The following CLIC4 variants were observed in gnomAD, a reference collection of about 807,000 sequenced individuals.
The protein encoded by CLIC4 is CLIC family member 4, also known as chloride intracellular channel protein 4.
In CLIC4, 13 loss-of-function variants were observed where a neutral mutation model predicts 24.6. The ratio of observed to expected loss-of-function variants is 0.53; its 90% CI spans 0.34 to 0.84. The LOEUF (loss-of-function observed/expected upper bound fraction) is 0.84, where lower values mean the gene tolerates loss of function less well. CLIC4 is among the 40% of genes least tolerant of loss of function. The pLI is 0.01. For missense variants in CLIC4, 227 were observed against 301.7 expected (o/e 0.75, Z 1.83); for synonymous variants, 104 against 111.3 (o/e 0.93, Z 0.41).
intron 1 of CLIC4, among the ~76,000 whole-genome samples, chr1:24,748,492 G>GTTTTTTTT (rs1360200160): frequency 6.3e-5 from 4 of 63,172 alleles, no homozygotes; most frequent in Non-Finnish European, 1.1e-4. Context: ...TACAGATCAG[G>GTTTTTTTT]TTTTTTGTTT....
chr1:24,783,799 GT>G (rs1408070867), intron 1 of CLIC4, among the ~76,000 whole-genome samples: 1 of 152,184 alleles, frequency 6.6e-6, no homozygotes, highest in Non-Finnish European at 1.5e-5. Context: ...CACCAAAATT[GT>G]CCTTGACATT....
chr1:24,803,722 G>C (rs1451163821), intron 2 of CLIC4, among the ~76,000 whole-genome samples: 1 of 152,186 alleles, frequency 6.6e-6, no homozygotes, highest in Admixed American at 6.5e-5. Flanking sequence ...AATTGGGGCA[G>C]AGTTAAAGAT....
Position 24,839,843 on chromosome 1 carries a change from T to G in CLIC4, c.416-17T>G, listed in dbSNP as rs920872988. On this transcript the variant is annotated splice_polypyrimidine_tract_variant and intron_variant, in intron 4 of 5. Coordinates refer to ENST00000374379, the MANE Select transcript of CLIC4 (RefSeq NM_013943.3). ...TTCCTTCTTACAGTATTCTCATCTC[T>G]TTTTTTCCCCCCCAAGCACTGGAGA... The G allele has an allele frequency of 3.8e-6, 6 of 1,590,436 alleles. No homozygotes were observed. The highest frequency in any genetic ancestry group is 5.1e-6 in the Non-Finnish European group (6 of 1,167,430).
At chr1:24,755,325 G>A (rs1181438462) in intron 1 of CLIC4, among the ~76,000 whole-genome samples, 1 of 150,996 alleles carries the variant, frequency 6.6e-6, no homozygotes, top group East Asian at 2.0e-4. Context: ...TGTAATCCCA[G>A]CTACTCAGGA....
In CLIC4 at chr1:24,840,755, G is replaced by T; in HGVS notation, c.598-18G>T. On this transcript the variant is annotated intron_variant, in intron 5 of 5. Transcript: ENST00000374379. ...CGTGGAAATAAGTCTGTTAACTTTT[G>T]ATCTCTTTGTATTTCAGGTGGTGGC... is the stretch of plus-strand genomic sequence containing the variant. 6 of 1,583,504 alleles carry T rather than the reference G, an allele frequency of 3.8e-6. No homozygotes were observed. In the South Asian group the frequency reaches 6.9e-5, roughly 18 times the overall value.
intron 2 of CLIC4, among the ~76,000 whole-genome samples, chr1:24,798,671 C>G (rs7550184): frequency 0.33 from 50,024 of 150,588 alleles, 8,615 homozygotes; most frequent in Middle Eastern, 0.5. Flanking sequence ...TTTCCACGGT[C>G]TCCCTCTCTT....
intron 1 of CLIC4, among the ~76,000 whole-genome samples, chr1:24,789,563 T>C (rs984344752): frequency 1.3e-5 from 2 of 152,072 alleles, no homozygotes; most frequent in African/African-American, 4.8e-5. Flanking sequence ...ATAAGAAGTA[T>C]TACATTTTCA....
chr1:24,823,599 C>G (rs1639756314), intron 3 of CLIC4, among the ~76,000 whole-genome samples: 1 of 151,868 alleles, frequency 6.6e-6, no homozygotes, highest in African/African-American at 2.4e-5. Context: ...ATGGTGAAAC[C>G]CTGTTTCTAA....
At chr1:24,797,379 A>G (rs1017056472) in intron 1 of CLIC4, among the ~76,000 whole-genome samples, 1 of 151,736 alleles carries the variant, frequency 6.6e-6, no homozygotes, top group African/African-American at 2.4e-5. Context: ...TTCAAGACCA[A>G]CCTGGATAAC....
intron 1 of CLIC4, among the ~76,000 whole-genome samples, chr1:24,770,282 C>T (rs907223420): frequency 4.0e-5 from 6 of 151,352 alleles, no homozygotes; most frequent in Non-Finnish European, 8.8e-5. Context: ...CCCTTTCTCC[C>T]TTCCTCCCCC....
chr1:24,795,751 G>T (rs553604181), intron 1 of CLIC4, among the ~76,000 whole-genome samples: 1 of 152,072 alleles, frequency 6.6e-6, no homozygotes, highest in Non-Finnish European at 1.5e-5. Context: ...TGTATTTTTC[G>T]TAGAGACGGA....
intron 1 of CLIC4, among the ~76,000 whole-genome samples, chr1:24,748,812 GT>G (rs1422817128): frequency 6.6e-6 from 1 of 151,856 alleles, no homozygotes; most frequent in East Asian, 1.9e-4. Context: ...AGACCAGTTT[GT>G]TTGAAAGGGG....
chr1:24,819,021 A>G (rs929934097), intron 3 of CLIC4, among the ~76,000 whole-genome samples: 5 of 151,956 alleles, frequency 3.3e-5, no homozygotes, highest in Non-Finnish European at 7.4e-5. Flanking sequence ...CATGGTTGGG[A>G]TGGTAGGCAG....
intron 1 of CLIC4, among the ~76,000 whole-genome samples, chr1:24,794,605 A>G (rs1639376932): frequency 6.6e-6 from 1 of 152,058 alleles, no homozygotes; most frequent in African/African-American, 2.4e-5. Context: ...TCAGATGCAT[A>G]TTTTGCAAAT....
chr1:24,782,130 TCA>T (rs1639212626), intron 1 of CLIC4, among the ~76,000 whole-genome samples: 1 of 152,164 alleles, frequency 6.6e-6, no homozygotes, highest in Non-Finnish European at 1.5e-5. Flanking sequence ...TGACTTCAAT[TCA>T]CAGTGACTTA....
chr1:24,776,815 G>A (rs1037186508), intron 1 of CLIC4, among the ~76,000 whole-genome samples: 1 of 151,278 alleles, frequency 6.6e-6, no homozygotes, highest in Non-Finnish European at 1.5e-5. Flanking sequence ...GGGAGGCTGA[G>A]GCAGGAGAAT....
chr1:24,817,162 A>T (rs1322261227), intron 3 of CLIC4, among the ~76,000 whole-genome samples: 1 of 152,208 alleles, frequency 6.6e-6, no homozygotes, highest in Non-Finnish European at 1.5e-5. Context: ...TTCATCAATG[A>T]TCTATCTAGA....
intron 1 of CLIC4, among the ~76,000 whole-genome samples, chr1:24,747,447 T>A (rs995556929): frequency 6.7e-6 from 1 of 149,964 alleles, no homozygotes; most frequent in East Asian, 2.0e-4. Flanking sequence ...GGCAGGAGAA[T>A]TGCTTGAACC....
At chr1:24,787,845 A>AT (rs60149402) in intron 1 of CLIC4, among the ~76,000 whole-genome samples, 18 of 142,346 alleles carry the variant, frequency 1.3e-4, no homozygotes, top group African/African-American at 4.6e-4. Flanking sequence ...GTGCCCGGCC[A>AT]TTTTTTTTTT....
Sources: gnomAD v4.1 joint callset for allele counts (sites outside exome capture counted in the v4.1 genomes callset) on GRCh38, gnomAD v4.1.1 for gene constraint, MANE v1.5 for transcripts, NCBI Gene and HGNC (gene_info 2026-07-23, HGNC 2026-07-21) for gene names.